The following FRMD6 variants were observed in gnomAD, a reference collection of about 807,000 sequenced individuals.
FRMD6 encodes the protein FERM domain containing 6, also known as FERM domain-containing protein 6.
In FRMD6, 37 loss-of-function variants were observed where a neutral mutation model predicts 73.2. The ratio of observed to expected loss-of-function variants is 0.51; its 90% CI spans 0.39 to 0.66. FRMD6 has a LOEUF of 0.66. Among genes scored for constraint, FRMD6 ranks in the 30% least tolerant of loss-of-function variants. The pLI, the probability that FRMD6 is intolerant of heterozygous loss-of-function variation, is 0.00. For synonymous variants in FRMD6, 273 were observed against 282.2 expected, an observed-to-expected ratio of 0.97 and a Z score of 0.33; for missense variants, 714 against 780.5, an observed-to-expected ratio of 0.91 and a Z score of 1.02.
the FRMD6 span, among the ~76,000 whole-genome samples, chr14:51,407,191 T>C: frequency 6.6e-6 from 1 of 152,124 alleles, no homozygotes; most frequent in African/African-American, 2.4e-5. Flanking sequence ...GATTGTAACA[T>C]CCATTTTATT....
At chr14:51,461,766 A>G in the FRMD6 span, among the ~76,000 whole-genome samples, 1 of 152,232 alleles carries the variant, frequency 6.6e-6, no homozygotes, top group African/African-American at 2.4e-5. Flanking sequence ...TAGAGATGGA[A>G]GGTAGTGATG....
At chr14:51,444,550 T>C in the FRMD6 span, among the ~76,000 whole-genome samples, 1 of 152,200 alleles carries the variant, frequency 6.6e-6, no homozygotes. Context: ...CAGCCTATTC[T>C]TGTGGTGCTG....
chr14:51,572,150 A>G (rs1216862833), intron 2 of FRMD6, among the ~76,000 whole-genome samples: 1 of 152,278 alleles, frequency 6.6e-6, no homozygotes, highest in African/African-American at 2.4e-5. Flanking sequence ...TAGCCTATCC[A>G]TAGTGCTAGG....
At chr14:51,468,018 C>T in the FRMD6 span, among the ~76,000 whole-genome samples, 1 of 152,088 alleles carries the variant, frequency 6.6e-6, no homozygotes, top group African/African-American at 2.4e-5. Context: ...ACTGAGTGAG[C>T]GAGACTCAGT....
intron 1 of FRMD6, among the ~76,000 whole-genome samples, chr14:51,543,784 G>C (rs1886321965): frequency 6.6e-6 from 1 of 152,022 alleles, no homozygotes; most frequent in East Asian, 1.9e-4. Flanking sequence ...TTGGGCAAGG[G>C]AGTTCCATGA....
rs376035150 is a variant in FRMD6 at position 51,668,496 on chromosome 14, G to C, written c.-147+16500G>C. Among the ~76,000 whole-genome samples, 87 of 152,088 alleles carry C rather than the reference G, an allele frequency of 5.7e-4. No individual in the cohort carries two copies. The East Asian group carries it at 0.015, about 26-fold the overall frequency. ...AATTTTTGTATTTTTAGTAGAGACAGAGTTTTGTCATGATGGCCGGGCTGG... is the reference window on the plus strand; with the variant it reads ...AATTTTTGTATTTTTAGTAGAGACACAGTTTTGTCATGATGGCCGGGCTGG... On this transcript the variant is annotated intron_variant, in intron 1 of 13. Transcript: ENST00000344768.
the FRMD6 span, among the ~76,000 whole-genome samples, chr14:51,405,911 T>A: frequency 6.6e-6 from 1 of 152,108 alleles, no homozygotes; most frequent in Non-Finnish European, 1.5e-5. Context: ...CTCTGCCTGT[T>A]CCTATGACCA....
At chr14:51,668,074 A>G (rs983343947) in intron 1 of FRMD6, among the ~76,000 whole-genome samples, 1 of 152,206 alleles carries the variant, frequency 6.6e-6, no homozygotes, top group Non-Finnish European at 1.5e-5. Context: ...AACTAGGCTC[A>G]TGTTGCTGAT....
chr14:51,426,045 C>T, the FRMD6 span, among the ~76,000 whole-genome samples: 2 of 152,154 alleles, frequency 1.3e-5, no homozygotes, highest in Non-Finnish European at 2.9e-5. Flanking sequence ...AATCCAGTCT[C>T]ATAATTGTTA....
intron 1 of FRMD6, among the ~76,000 whole-genome samples, chr14:51,503,864 TG>T (rs1213623911): frequency 5.8e-4 from 76 of 131,496 alleles, no homozygotes; most frequent in Middle Eastern, 4.1e-3. Flanking sequence ...GGTTTTTTTT[TG>T]GGGGGGGGTT....
intron 1 of FRMD6, among the ~76,000 whole-genome samples, chr14:51,497,262 C>G (rs879316879): frequency 3.7e-4 from 55 of 148,474 alleles, no homozygotes; most frequent in Non-Finnish European, 6.2e-4. Context: ...TAAGAAACAA[C>G]CTATGTTTTC....
the FRMD6 span, among the ~76,000 whole-genome samples, chr14:51,451,827 T>A: frequency 6.6e-6 from 1 of 152,272 alleles, no homozygotes; most frequent in Non-Finnish European, 1.5e-5. Context: ...AAGCAGATGC[T>A]TGTGCCATTT....
upstream of FRMD6, among the ~76,000 whole-genome samples, chr14:51,647,958 TG>T (rs940534688): frequency 2.0e-5 from 3 of 152,240 alleles, no homozygotes; most frequent in African/African-American, 7.2e-5. Flanking sequence ...CCTGAGTAGC[TG>T]GGATTACCGG....
intron 2 of FRMD6, among the ~76,000 whole-genome samples, chr14:51,646,902 T>C (rs1352078507): frequency 1.3e-5 from 2 of 151,982 alleles, no homozygotes; most frequent in East Asian, 3.9e-4. Flanking sequence ...TTCTCTACGA[T>C]GGGCCCTCTC....
At chr14:51,534,466 A>T (rs1007076873) in intron 1 of FRMD6, among the ~76,000 whole-genome samples, 1 of 152,198 alleles carries the variant, frequency 6.6e-6, no homozygotes, top group Admixed American at 6.5e-5. Context: ...TTTTGGATAC[A>T]ATCCTAGAAG....
At chr14:51,643,851 C>T (rs1444433011) in intron 2 of FRMD6, 1 of 152,162 alleles carries the variant, frequency 6.6e-6, no homozygotes, top group Non-Finnish European at 1.5e-5. Flanking sequence ...AAGCGTATCT[C>T]ATCAAAATGT....
intron 1 of FRMD6, among the ~76,000 whole-genome samples, chr14:51,549,396 T>G (rs1596576175): frequency 6.6e-6 from 1 of 152,222 alleles, no homozygotes; most frequent in East Asian, 1.9e-4. Context: ...AAAGTCTTAT[T>G]TTGAAAATTG....
At chr14:51,639,715 A>C (rs1378210821) in intron 2 of FRMD6, among the ~76,000 whole-genome samples, 2 of 152,204 alleles carry the variant, frequency 1.3e-5, no homozygotes, top group African/African-American at 4.8e-5. Context: ...CGTTCATAGA[A>C]TAAAACAGTA....
chr14:51,706,154 C>T (rs1000023674), intron 6 of FRMD6, among the ~76,000 whole-genome samples: 1 of 152,114 alleles, frequency 6.6e-6, no homozygotes, highest in Non-Finnish European at 1.5e-5. Context: ...TGTCCTGTCC[C>T]ATCAACTGTA....
Sources: allele counts gnomAD v4.1 joint callset (sites outside exome capture counted in the v4.1 genomes callset), GRCh38; gene constraint gnomAD v4.1.1; transcripts MANE v1.5; gene names NCBI Gene and HGNC (gene_info 2026-07-23, HGNC 2026-07-21).